The following MAPK8IP3 variants were observed in gnomAD, a reference collection of about 807,000 sequenced individuals.
MAPK8IP3 encodes the protein mitogen-activated protein kinase 8 interacting protein 3.
A neutral mutation model predicts 157.8 loss-of-function variants in MAPK8IP3; 49 were observed. The observed-to-expected ratio is 0.31, with a 90% CI of 0.25 to 0.39. The LOEUF is 0.39. Among genes scored for constraint, MAPK8IP3 ranks in the 10% least tolerant of loss-of-function variants. The pLI is 1.00. For synonymous variants in MAPK8IP3, 897 were observed against 777.7 expected, an observed-to-expected ratio of 1.15 and a Z score of -2.55; for missense variants, 1,478 against 1,889.4, an observed-to-expected ratio of 0.78 and a Z score of 4.04.
intron 1 of MAPK8IP3, among the ~76,000 whole-genome samples, chr16:1,712,810 G>T (rs899900544): frequency 6.6e-6 from 1 of 152,126 alleles, no homozygotes; most frequent in African/African-American, 2.4e-5. Context: ...TGCCGGATTC[G>T]CTGGTGTCTG....
chr16:1,757,573 C>G (rs963400533), intron 8 of MAPK8IP3, among the ~76,000 whole-genome samples: 52 of 152,196 alleles, frequency 3.4e-4, no homozygotes, highest in Non-Finnish European at 5.9e-5. Flanking sequence ...GCCCGCCCCA[C>G]GCTCCCCAGC....
chr16:1,735,651 C>T (rs533217829), intron 4 of MAPK8IP3, among the ~76,000 whole-genome samples: 69 of 127,946 alleles, frequency 5.4e-4, no homozygotes, highest in Non-Finnish European at 7.9e-4. Flanking sequence ...GTGAGTGTGA[C>T]CATCCATGTG....
At position 1,763,684 on chromosome 16, in the gene MAPK8IP3, G is replaced by A. The variant is rs2141936170; in HGVS notation, c.1926G>A (p.Glu642=). ...ACTGCACGTCCTCCGCCCGTCGAGA[G>A]CAGAAGCGCGAGCAGTACCGCCAGG... ...DDDCTSSARR[E]QKREQYRQVR... is the part of the protein sequence containing the mutation. The change falls in exon 17 of 32, where the codon GAG becomes GAA. Residue 642 remains glutamate (E), a synonymous_variant. Coordinates refer to ENST00000610761, the MANE Select transcript of MAPK8IP3 (RefSeq NM_001318852.2). The A allele has an allele frequency of 3.1e-6, 5 of 1,591,524 alleles. No homozygotes were observed. Among genetic ancestry groups the A allele is most frequent in the East Asian group, 4.6e-5 (2 of 43,752 alleles).
chr16:1,765,319 A>G, intron 20 of MAPK8IP3, 141 bp downstream of exon 20: 1 of 1,072,100 alleles, frequency 9.3e-7, no homozygotes, highest in Non-Finnish European at 1.3e-6. Flanking sequence ...TGGGAGGGGC[A>G]GCACCCAGTC....
In MAPK8IP3 at chr16:1,753,577, A is replaced by T. The variant is rs771828318; in HGVS notation, c.1217-4571A>T. On this transcript the variant is annotated intron_variant, in intron 8 of 31. Transcript: ENST00000610761. Reference sequence around the variant, plus strand: ...TGCCTCAGCCTCCCGAGTAGCTGGGACTACAGGTGCCTGCCACCATGCCCG... The same window carrying T: ...TGCCTCAGCCTCCCGAGTAGCTGGGTCTACAGGTGCCTGCCACCATGCCCG... 3.3e-5 allele frequency among the ~76,000 whole-genome samples: 5 copies of T among 151,990 alleles called. No individual in the cohort carries two copies. In the Middle Eastern group the frequency reaches 0.017, roughly 517 times the overall value.
At chr16:1,716,028 G>C (rs1366321687) in intron 1 of MAPK8IP3, among the ~76,000 whole-genome samples, 1 of 152,062 alleles carries the variant, frequency 6.6e-6, no homozygotes, top group East Asian at 1.9e-4. Flanking sequence ...CACCGGCCGA[G>C]GTTTGGATTT....
chr16:1,764,924 C>A, intron 19 of MAPK8IP3, 89 bp from the exon 20 acceptor site: 2 of 1,348,694 alleles, frequency 1.5e-6, no homozygotes, highest in Admixed American at 2.0e-5. Context: ...AGGCTGGATC[C>A]TGACAGATTC....
intron 25 of MAPK8IP3, 58 bp from the exon 26 acceptor site, chr16:1,767,091 G>A: frequency 6.2e-7 from 1 of 1,600,488 alleles, no homozygotes; most frequent in Non-Finnish European, 8.5e-7. Context: ...TCAACCCGAT[G>A]CCCTGAGCAG....
At chr16:1,763,832 C>CCCCGCAGA in intron 17 of MAPK8IP3, 49 bp downstream of exon 17, 1 of 121,896 alleles carries the variant, frequency 8.2e-6, no homozygotes, top group Non-Finnish European at 1.4e-5. Context: ...AGAGGCGGGG[C>CCCCGCAGA]GGGGGTAAGG....
intron 3 of MAPK8IP3, 69 bp from the exon 4 acceptor site, chr16:1,729,418 C>A: frequency 1.4e-6 from 2 of 1,472,876 alleles, no homozygotes; most frequent in Non-Finnish European, 1.9e-6. Flanking sequence ...CCGGAAAAGC[C>A]TCACAGGTTA....
chr16:1,754,887 C>A (rs2041506941), intron 8 of MAPK8IP3, among the ~76,000 whole-genome samples: 1 of 152,170 alleles, frequency 6.6e-6, no homozygotes, highest in Non-Finnish European at 1.5e-5. Flanking sequence ...TGCCACGTGC[C>A]CGGACCTGAA....
intron 4 of MAPK8IP3, among the ~76,000 whole-genome samples, chr16:1,740,380 G>A (rs1216609423): frequency 4.0e-5 from 6 of 151,158 alleles, no homozygotes; most frequent in South Asian, 4.2e-4. Flanking sequence ...GTGACCGTCC[G>A]TGTAAGCGTG....
At chr16:1,745,129 C>G in intron 5 of MAPK8IP3, 1 of 985,276 alleles carries the variant, frequency 1.0e-6, no homozygotes, top group South Asian at 4.7e-5. Flanking sequence ...GGGGAGTGTC[C>G]CATGGGTAAG....
At chr16:1,757,198 C>T (rs753130028) in intron 8 of MAPK8IP3, among the ~76,000 whole-genome samples, 51 of 152,144 alleles carry the variant, frequency 3.4e-4, no homozygotes, top group African/African-American at 4.3e-4. Context: ...CTCTGCCTCC[C>T]GGGTTCAGCC....
intron 1 of MAPK8IP3, chr16:1,714,233 A>G (rs1178223408): frequency 6.6e-6 from 1 of 151,430 alleles, no homozygotes; most frequent in Non-Finnish European, 1.5e-5. Flanking sequence ...ACCTTCACGC[A>G]TGAGCGGTTT....
Position 1,768,042 on chromosome 16 carries a change from TCTCCCATG to T in MAPK8IP3, c.3524-22_3524-15del. 1.2e-6 allele frequency: 2 copies of T among 1,612,182 alleles called. No individual in the cohort carries two copies. ...GCCCCTACGCTGACCGCTCTCCTCT[TCTCCCATG>T]CTCCTCCCATGTCCCCAGCTGTGGT... On this transcript the variant is annotated intron_variant, in intron 28 of 31. Coordinates refer to ENST00000610761, the MANE Select transcript of MAPK8IP3 (RefSeq NM_001318852.2).
chr16:1,735,689 G>GTGTGACCGCCCATGTGAGCA (rs2039681349), intron 4 of MAPK8IP3, among the ~76,000 whole-genome samples: 1 of 125,616 alleles, frequency 8.0e-6, no homozygotes, highest in South Asian at 2.5e-4. Flanking sequence ...CCGTGTGAGC[G>GTGTGACCGCCCATGTGAGCA]TCTGTGTGCC....
chr16:1,708,344 C>T (rs975550793), intron 1 of MAPK8IP3, among the ~76,000 whole-genome samples: 8 of 152,256 alleles, frequency 5.3e-5, no homozygotes, highest in African/African-American at 1.7e-4. Context: ...AGCTGTGGAG[C>T]TGTGGCTGCC....
In MAPK8IP3 at chr16:1,766,771, C is replaced by T. The variant is rs543088087; in HGVS notation, c.2988C>T (p.Ser996=). The T allele has an allele frequency of 5.0e-6, 8 of 1,612,874 alleles. No individual in the cohort carries two copies. In the African/African-American group the frequency reaches 9.3e-5, roughly 19 times the overall value. The change falls in exon 24 of 32, where the codon TCC becomes TCT. Residue 996 remains serine (S), a synonymous_variant. Coordinates refer to ENST00000610761, the MANE Select transcript of MAPK8IP3 (RefSeq NM_001318852.2). ...CCAACTGGAAGAAGTGCCTGCACTC[C>T]ATCAAGCTGAAGGATTCTGTGCTGA... ...AVANWKKCLH[S]IKLKDSVLSL...
Sources: allele counts gnomAD v4.1 joint callset (sites outside exome capture counted in the v4.1 genomes callset), GRCh38; gene constraint gnomAD v4.1.1; transcripts MANE v1.5; gene names NCBI Gene and HGNC (gene_info 2026-07-23, HGNC 2026-07-21).